TUBB8: variants seen among roughly 807,000 people sequenced by gnomAD.
The protein encoded by TUBB8 is tubulin beta 8 class VIII.
TUBB8 carries 25 observed loss-of-function variants against 33.7 expected under a neutral mutation model. That is an observed-to-expected ratio of 0.74 (90% CI 0.54 to 1.04). The LOEUF (loss-of-function observed/expected upper bound fraction) is 1.04, where lower values mean the gene tolerates loss of function less well. Among genes scored for constraint, TUBB8 ranks in the 50% least tolerant of loss-of-function variants. TUBB8 has a pLI of 0.00. For synonymous variants in TUBB8, 245 were observed against 240.1 expected (o/e 1.02, Z -0.19); for missense variants, 279 against 608.0 (o/e 0.46, Z 5.69).
At chr10:66,798 C>T (rs1366636045) in intron 1 of TUBB8, among the ~76,000 whole-genome samples, 5 of 152,042 alleles carry the variant, frequency 3.3e-5, no homozygotes, top group African/African-American at 1.2e-4. Context: ...ACAGCAAGAC[C>T]CTACCTGTAT....
At chr10:51,948 G>T (rs1404479495), upstream of TUBB8, among the ~76,000 whole-genome samples, 20 of 152,200 alleles carry the variant, frequency 1.3e-4, no homozygotes, top group Non-Finnish European at 2.8e-4. Context: ...CTGCCTCCAG[G>T]CTACTGCAAA....
intron 1 of TUBB8, among the ~76,000 whole-genome samples, chr10:67,626 G>T (rs1374711479): frequency 2.0e-5 from 3 of 152,110 alleles, no homozygotes; most frequent in South Asian, 4.1e-4. Context: ...GGGTTTCACC[G>T]TGTTAGCCAG....
chr10:73,811 C>A (rs11517311), intron 1 of TUBB8, among the ~76,000 whole-genome samples: 39,694 of 149,656 alleles, frequency 0.27, 5,269 homozygotes, highest in Middle Eastern at 0.39. Context: ...ACTCGCATTC[C>A]TAACCGGCAT....
At chr10:67,282 G>A (rs533463516) in intron 1 of TUBB8, among the ~76,000 whole-genome samples, 1 of 152,098 alleles carries the variant, frequency 6.6e-6, no homozygotes, top group Non-Finnish European at 1.5e-5. Flanking sequence ...AGAATCTGTA[G>A]ATGGCTTTGT....
intron 1 of TUBB8, among the ~76,000 whole-genome samples, chr10:70,817 T>G (rs1401633444): frequency 6.6e-6 from 1 of 151,962 alleles, no homozygotes; most frequent in Non-Finnish European, 1.5e-5. Context: ...CACTCCAGCA[T>G]GGGAGACAGA....
At chr10:73,745 C>T (rs1409134152) in intron 1 of TUBB8, among the ~76,000 whole-genome samples, 1 of 151,836 alleles carries the variant, frequency 6.6e-6, no homozygotes. Flanking sequence ...GACAGCCCGA[C>T]GGCGTCTCCG....
chr10:48,945 G>A (rs1554738943), intron 1 of TUBB8, 33 bp from the exon 2 acceptor site: 3 of 1,413,928 alleles, frequency 2.1e-6, no homozygotes, highest in East Asian at 2.5e-5. Flanking sequence ...GACAGGCCGG[G>A]GCTGAGTCAG....
chr10:67,731 A>G (rs187045584), intron 1 of TUBB8, among the ~76,000 whole-genome samples: 30 of 152,238 alleles, frequency 2.0e-4, no homozygotes, highest in Non-Finnish European at 3.5e-4. Flanking sequence ...AGCCTCATGT[A>G]CAAGTCTTGT....
intron 1 of TUBB8, among the ~76,000 whole-genome samples, chr10:69,000 C>T (rs1402876145): frequency 6.6e-6 from 1 of 152,242 alleles, no homozygotes; most frequent in African/African-American, 2.4e-5. Context: ...CCAGGGGAAA[C>T]ACCTCAGCCC....
chr10:63,535 A>G (rs1305036099), intron 1 of TUBB8, among the ~76,000 whole-genome samples: 7 of 152,280 alleles, frequency 4.6e-5, no homozygotes, highest in Middle Eastern at 3.4e-3. Context: ...TCTGACTTCA[A>G]GTTCACTAAA....
At chr10:67,466 C>T (rs1163686037) in intron 1 of TUBB8, among the ~76,000 whole-genome samples, 10 of 152,038 alleles carry the variant, frequency 6.6e-5, no homozygotes, top group African/African-American at 2.4e-4. Context: ...ACTCTGTCAC[C>T]CAGGGTGGAG....
At position 47,513 on chromosome 10, in the gene TUBB8, C is replaced by G; in HGVS notation, c.879G>C (p.Met293Ile). 5 of 1,612,300 alleles carry G rather than the reference C, an allele frequency of 3.1e-6. No individual in the cohort carries two copies. The highest frequency in any genetic ancestry group is 4.2e-6 in the Non-Finnish European group (5 of 1,180,040). ...ALTVAELTQQ[M>I]FDAKNMMAAC... ...CAGCCATCATGTTCTTAGCATCAAACATCTGCTGGGTAAGCTCAGCCACAG... is the reference window on the plus strand; with the variant it reads ...CAGCCATCATGTTCTTAGCATCAAAGATCTGCTGGGTAAGCTCAGCCACAG... The change falls in exon 4 of 4, where the codon ATG becomes ATC. Residue 293 changes from methionine to isoleucine, a missense_variant. Met to Ile is a conservative substitution (Grantham distance 10). Coordinates refer to ENST00000568584, the MANE Select transcript of TUBB8 (RefSeq NM_177987.3).
At chr10:73,503 C>T (rs1183364574) in intron 1 of TUBB8, among the ~76,000 whole-genome samples, 2 of 152,156 alleles carry the variant, frequency 1.3e-5, no homozygotes, top group African/African-American at 2.4e-5. Flanking sequence ...ATTAGCCGGG[C>T]GTGCTGGCGC....
At chr10:58,567 T>C (rs1554740461) in intron 1 of TUBB8, among the ~76,000 whole-genome samples, 2 of 152,232 alleles carry the variant, frequency 1.3e-5, no homozygotes, top group Non-Finnish European at 2.9e-5. Flanking sequence ...TTTACAGTCA[T>C]GGCAAAAGTT....
intron 1 of TUBB8, among the ~76,000 whole-genome samples, chr10:60,298 A>C (rs1588277632): frequency 1.3e-5 from 2 of 152,240 alleles, no homozygotes; most frequent in Admixed American, 1.3e-4. Context: ...CAACCTACAA[A>C]ATGGGAGAAA....
intron 1 of TUBB8, among the ~76,000 whole-genome samples, chr10:66,709 C>T (rs1396895293): frequency 6.6e-6 from 1 of 152,256 alleles, no homozygotes; most frequent in Non-Finnish European, 1.5e-5. Context: ...TGGTAGCTGA[C>T]ACCTGTAATC....
chr10:58,157 G>A (rs1175416470), intron 1 of TUBB8, among the ~76,000 whole-genome samples: 1 of 152,226 alleles, frequency 6.6e-6, no homozygotes, highest in Non-Finnish European at 1.5e-5. Context: ...AAGACAACAT[G>A]AATGACCTTT....
intron 1 of TUBB8, among the ~76,000 whole-genome samples, chr10:66,909 G>A (rs776626945): frequency 3.3e-5 from 5 of 152,152 alleles, no homozygotes; most frequent in African/African-American, 4.8e-5. Context: ...GGAGACAGAG[G>A]TTGCAGTGAG....
intron 1 of TUBB8, among the ~76,000 whole-genome samples, chr10:62,805 T>A (rs536729969): frequency 6.6e-6 from 1 of 152,262 alleles, no homozygotes; most frequent in Non-Finnish European, 1.5e-5. Flanking sequence ...TTTTCTAATA[T>A]GTCATGCCAC....
Sources: gnomAD v4.1 joint callset for allele counts (sites outside exome capture counted in the v4.1 genomes callset) on GRCh38, gnomAD v4.1.1 for gene constraint, MANE v1.5 for transcripts, NCBI Gene and HGNC (gene_info 2026-07-23, HGNC 2026-07-21) for gene names.